Variants in PAQR9 observed in about 807,000 individuals in gnomAD.
The protein encoded by PAQR9 is membrane progestin receptor epsilon.
Under a neutral mutation model 24.0 loss-of-function variants are expected in PAQR9, and 12 were observed. The ratio of observed to expected loss-of-function variants is 0.50; its 90% CI spans 0.32 to 0.81. PAQR9 has a LOEUF of 0.81. Ranked by LOEUF, PAQR9 falls within the 30% of genes least tolerant of loss-of-function variation. The pLI is 0.03. For synonymous variants in PAQR9, 266 were observed against 237.6 expected (o/e 1.12, Z -1.10); for missense variants, 418 against 520.8 (o/e 0.80, Z 1.92).
rs1404199525 is a variant in PAQR9 at position 142,959,919 on chromosome 3, C to A, written c.*2284G>T. ...GCTTCCAAACCAATGTTCTTTGGGG[C>A]TCTAGAAAAAACAACAATGACATGC... On this transcript the variant is annotated 3_prime_UTR_variant, in exon 1 of 1. Transcript: ENST00000340634. Among the ~76,000 whole-genome samples the A allele has an allele frequency of 1.3e-5, 2 of 152,100 alleles. No individual in the cohort carries two copies. Among genetic ancestry groups the A allele is most frequent in the Non-Finnish European group, 2.9e-5 (2 of 68,030 alleles).
rs553634974 is a variant in PAQR9 at position 142,961,813 on chromosome 3, C to T, written c.*390G>A. 7 of 194,664 alleles carry T rather than the reference C, an allele frequency of 3.6e-5. No homozygotes were observed. The South Asian group carries it at 6.4e-4, about 18-fold the overall frequency. The allele number at this position is 194,664 out of a possible 1,614,324, so 12.1% of individuals were successfully genotyped here. Reference sequence around the variant, plus strand: ...GAAGTTCCCAAGGATTCTATTTACCCTCTTTACTGTGTACCTGACCTCACA... The same window carrying T: ...GAAGTTCCCAAGGATTCTATTTACCTTCTTTACTGTGTACCTGACCTCACA... On this transcript the variant is annotated 3_prime_UTR_variant, in exon 1 of 1. Coordinates refer to ENST00000340634, the MANE Select transcript of PAQR9 (RefSeq NM_198504.4).
chr3:142,963,750 G>T, upstream of PAQR9: 1 of 919,074 alleles, frequency 1.1e-6, no homozygotes, highest in Non-Finnish European at 1.3e-6. Context: ...GCCGAGGCGC[G>T]GAGGGAGGGA....
rs768622994 is a variant in PAQR9, at chr3:142,958,443, G to A, written c.*3760C>T. Among the ~76,000 whole-genome samples, 33 of 152,154 alleles carry A rather than the reference G, an allele frequency of 2.2e-4. No homozygotes were observed. The highest frequency in any genetic ancestry group is 5.9e-5 in the Non-Finnish European group (4 of 68,034). The stretch of plus-strand genomic sequence containing the variant: ...CCTGTCACCTTGGACCAACTATAAA[G>A]CTTTGAAATGGAGATAACTCCCACC... On this transcript the variant is annotated 3_prime_UTR_variant, in exon 1 of 1. Coordinates refer to ENST00000340634, the MANE Select transcript of PAQR9 (RefSeq NM_198504.4).
In PAQR9 at chr3:142,955,702, A is replaced by T. The variant is rs1934781825; in HGVS notation, c.*6501T>A. On this transcript the variant is annotated 3_prime_UTR_variant, in exon 1 of 1. Coordinates refer to ENST00000340634, the MANE Select transcript of PAQR9 (RefSeq NM_198504.4). ...TGGTACTCAGTTGATTGGCGAGAAT[A>T]ATTTTGTTCATAGCCTCCAGAAAAG... Among the ~76,000 whole-genome samples the T allele has an allele frequency of 6.6e-6, 1 of 152,156 alleles. No homozygotes were observed. The highest frequency in any genetic ancestry group is 2.4e-5 in the African/African-American group (1 of 41,434).
At chr3:142,951,810 T>C (rs763658510), downstream of PAQR9, 4 of 456,128 alleles carry the variant, frequency 8.8e-6, no homozygotes, top group South Asian at 3.1e-5. Flanking sequence ...GAGGAGACTG[T>C]AAAAGAGTAG....
chr3:142,959,122 T>TA lies in PAQR9; in HGVS notation c.*3080dup, dbSNP rs1934844246. On this transcript the variant is annotated 3_prime_UTR_variant, in exon 1 of 1. Transcript: ENST00000340634. ...ACTGCCAAAATAGGTTGTACATAGATAATGGACTGAATTCTTATTTATAAT... is the reference window on the plus strand; with the variant it reads ...ACTGCCAAAATAGGTTGTACATAGATAAATGGACTGAATTCTTATTTATAAT... Among the ~76,000 whole-genome samples the TA allele has an allele frequency of 3.9e-5, 6 of 152,350 alleles. No individual in the cohort carries two copies. In the South Asian group the frequency reaches 1.2e-3, roughly 32 times the overall value.
At position 142,962,661 on chromosome 3, in the gene PAQR9, C is replaced by T. The variant is rs1016435919; in HGVS notation, c.676G>A (p.Val226Met). ...TCGGTACGGCTCTTGCAGCAGGCCA[C>T]AGTGCAAGCCACCGCCAGCACGAAG... ...VAFVLAVACT[V>M]ACCKSRTDWC... Residue 226 changes from valine (V) to methionine (M), a missense_variant, in exon 1 of 1, where the codon GTG (valine) becomes ATG (methionine). Physicochemically the swap from Val to Met is conservative, Grantham distance 21. Around this residue, in one of 3 missense-constraint regions of PAQR9, gnomAD observed 230 missense variants for 305.2 expected, o/e 0.75. Coordinates refer to ENST00000340634, the MANE Select transcript of PAQR9 (RefSeq NM_198504.4). The T allele has an allele frequency of 6.2e-7, 1 of 1,611,172 alleles. No homozygotes were observed. The highest frequency in any genetic ancestry group is 1.3e-5 in the African/African-American group (1 of 75,024).
rs575938587 is a variant in PAQR9, at chr3:142,963,565, C to G, written c.-229G>C. On this transcript the variant is annotated 5_prime_UTR_variant, in exon 1 of 1. Coordinates refer to ENST00000340634, the MANE Select transcript of PAQR9 (RefSeq NM_198504.4). Reference sequence around the variant, plus strand: ...GCGACCGCCAGGAGCGCGGAGCGCGCGAGGCTCAGCGGCTTCCTCGCCAAG... The same window carrying G: ...GCGACCGCCAGGAGCGCGGAGCGCGGGAGGCTCAGCGGCTTCCTCGCCAAG... 3.8e-5 allele frequency: 36 copies of G among 955,974 alleles called. No homozygotes were observed. The South Asian group carries it at 1.5e-3, about 41-fold the overall frequency. 59.2% of individuals were successfully genotyped at this position (955,974 alleles called of 1,614,324 possible). A position where few individuals can be genotyped will look rare whatever the true frequency, so the allele number is the denominator to read the frequency against.
At chr3:142,950,483 T>C (rs530080340), downstream of PAQR9, 224 of 314,548 alleles carry the variant, frequency 7.1e-4, 2 homozygotes, top group South Asian at 6.0e-3. Flanking sequence ...TAAGATGGAG[T>C]GACAACTTCT....
downstream of PAQR9, among the ~76,000 whole-genome samples, chr3:142,953,565 C>T (rs1934748566): frequency 6.6e-6 from 1 of 152,118 alleles, no homozygotes; most frequent in South Asian, 2.1e-4. Context: ...TTGGAAAGCA[C>T]TTTACACAGT....
At chr3:142,953,896 C>T (rs1934753818), downstream of PAQR9, among the ~76,000 whole-genome samples, 1 of 152,172 alleles carries the variant, frequency 6.6e-6, no homozygotes, top group Non-Finnish European at 1.5e-5. Context: ...CTGACCATGG[C>T]TCATCTGGTG....
chr3:142,951,579 T>G, downstream of PAQR9: 1 of 397,468 alleles, frequency 2.5e-6, no homozygotes, highest in Middle Eastern at 5.9e-4. Flanking sequence ...CTAAAGGGGA[T>G]TTATTAGTAG....
chr3:142,962,156 A>C lies in PAQR9; in HGVS notation c.*47T>G. 1.3e-6 allele frequency: 2 copies of C among 1,557,294 alleles called. No individual in the cohort carries two copies. The highest frequency in any genetic ancestry group is 1.7e-6 in the Non-Finnish European group (2 of 1,143,530). On this transcript the variant is annotated 3_prime_UTR_variant, in exon 1 of 1. Coordinates refer to ENST00000340634, the MANE Select transcript of PAQR9 (RefSeq NM_198504.4). ...ACAAACCAACAATAGCAACAACAGA[A>C]ACTCCAAACAGATGGGCGAACCAGT...
downstream of PAQR9, among the ~76,000 whole-genome samples, chr3:142,953,819 T>C (rs1934752626): frequency 6.6e-6 from 1 of 152,116 alleles, no homozygotes; most frequent in Non-Finnish European, 1.5e-5. Flanking sequence ...TGACCTCAGG[T>C]AGGCCAATCT....
Position 142,963,284 on chromosome 3 carries a change from G to A in PAQR9, c.53C>T (p.Pro18Leu), listed in dbSNP as rs781718882. Reference sequence around the variant, plus strand: ...GGCGGCCCCCGAAGCTGCCGGGGCCGGGGCCGGAGGGCCTTTTGTGCCCGC... The same window carrying A: ...GGCGGCCCCCGAAGCTGCCGGGGCCAGGGCCGGAGGGCCTTTTGTGCCCGC... ...RGAGTKGPPA[P>L]APAASGAARN... Residue 18 changes from proline to leucine, a missense_variant, in exon 1 of 1, where the codon CCG becomes CTG. Around this residue, in one of 3 missense-constraint regions of PAQR9, gnomAD observed 180 missense variants for 190.3 expected, o/e 0.95. Coordinates refer to ENST00000340634, the MANE Select transcript of PAQR9 (RefSeq NM_198504.4). 83 of 1,468,152 alleles carry A rather than the reference G, an allele frequency of 5.7e-5. 1 individual carries two copies. Among genetic ancestry groups the A allele is most frequent in the South Asian group, 8.2e-5 (6 of 73,474 alleles). 90.9% of individuals were successfully genotyped at this position (1,468,152 alleles called of 1,614,324 possible).
downstream of PAQR9, among the ~76,000 whole-genome samples, chr3:142,952,273 G>A (rs1294963565): frequency 2.0e-5 from 3 of 152,156 alleles, no homozygotes; most frequent in African/African-American, 7.2e-5. Context: ...GGGAGTGGTA[G>A]GGTCAGATAT....
chr3:142,955,650 G>C lies in PAQR9; in HGVS notation c.*6553C>G, dbSNP rs1049961374. Among the ~76,000 whole-genome samples the C allele has an allele frequency of 6.6e-6, 1 of 152,022 alleles. No homozygotes were observed. Among genetic ancestry groups the C allele is most frequent in the African/African-American group, 2.4e-5 (1 of 41,378 alleles). On this transcript the variant is annotated 3_prime_UTR_variant, in exon 1 of 1. Transcript: ENST00000340634. The stretch of plus-strand genomic sequence containing the variant: ...ACCATGCTTATAAACTCATCAAAGT[G>C]AAAGGTGCCTCACCTCTTTATTGCC...
At position 142,962,282 on chromosome 3, in the gene PAQR9, T is replaced by C; in HGVS notation, c.1055A>G (p.Tyr352Cys). 1 of 1,614,172 alleles carries C rather than the reference T, an allele frequency of 6.2e-7. No homozygotes were observed. The highest frequency in any genetic ancestry group is 1.3e-5 in the African/African-American group (1 of 75,044). ...AAPTFSGTVG[Y>C]MLLLVVCLGL... ...CAGGCAGACCACCAGCAGCAGCATG[T>C]AGCCCACAGTACCCGAGAAAGTGGG... Residue 352 changes from tyrosine (Y) to cysteine (C), a missense_variant, in exon 1 of 1, where the codon TAC (tyrosine) becomes TGC (cysteine). Tyr to Cys is a radical substitution (Grantham distance 194). Around this residue, in one of 3 missense-constraint regions of PAQR9, gnomAD observed 230 missense variants for 305.2 expected, o/e 0.75. Coordinates refer to ENST00000340634, the MANE Select transcript of PAQR9 (RefSeq NM_198504.4).
chr3:142,962,395 G>C lies in PAQR9; in HGVS notation c.942C>G (p.Phe314Leu). 1 of 1,614,192 alleles carries C rather than the reference G, an allele frequency of 6.2e-7. No homozygotes were observed. The highest frequency in any genetic ancestry group is 1.1e-5 in the South Asian group (1 of 91,084). The stretch of plus-strand genomic sequence containing the variant: ...AGATGCTGAGGAAGGTGAAGATGTG[G>C]AAGAGCTGGTGGCTGTGGCCGATAA... ...FDIIGHSHQL[F>L]HIFTFLSIYD... The change falls in exon 1 of 1, where the codon TTC becomes TTG. Residue 314 changes from phenylalanine to leucine, a missense_variant. Phe to Leu is a conservative substitution (Grantham distance 22). This residue lies in a region of PAQR9 where 230 missense variants were observed against 305.2 expected (regional missense o/e 0.75). Coordinates refer to ENST00000340634, the MANE Select transcript of PAQR9 (RefSeq NM_198504.4).
Sources: gnomAD v4.1 joint callset for allele counts (sites outside exome capture counted in the v4.1 genomes callset) on GRCh38, gnomAD v4.1.1 for gene constraint, gnomAD v4.1.1 regional missense constraint, MANE v1.5 for transcripts, NCBI Gene and HGNC (gene_info 2026-07-23, HGNC 2026-07-21) for gene names.